The following WDFY4 variants were observed in gnomAD, a reference collection of about 807,000 sequenced individuals.
WDFY4 encodes WDFY family member 4.
WDFY4 carries 169 observed loss-of-function variants against 351.9 expected under a neutral mutation model. That is an observed-to-expected ratio of 0.48 (90% confidence interval 0.42 to 0.55). The LOEUF (loss-of-function observed/expected upper bound fraction) is 0.55. Among genes scored for constraint, WDFY4 ranks in the 20% least tolerant of loss-of-function variants. WDFY4 has a pLI of 0.00. For synonymous variants in WDFY4, 1,622 were observed against 1,574.6 expected, an observed-to-expected ratio of 1.03 and a Z score of -0.71; for missense variants, 3,803 against 3,935.6, an observed-to-expected ratio of 0.97 and a Z score of 0.90.
chr10:48,687,697 C>T (rs2063088770), intron 1 of WDFY4, among the ~76,000 whole-genome samples: 1 of 150,476 alleles, frequency 6.6e-6, no homozygotes, highest in African/African-American at 2.4e-5. Flanking sequence ...TCACTGCAAC[C>T]TCCACCTCCC....
rs575481785 is a variant in WDFY4 at position 48,805,434 on chromosome 10, G to A, written c.4646+13G>A. ...AGGACTTGCTCAGGTACCACACCAAGCTGCCCAGGGGGAAGAGCAGGGCCC... is the reference window on the plus strand; with the variant it reads ...AGGACTTGCTCAGGTACCACACCAAACTGCCCAGGGGGAAGAGCAGGGCCC... On this transcript the variant is annotated intron_variant, in intron 26 of 61. Coordinates refer to ENST00000325239, the MANE Select transcript of WDFY4 (RefSeq NM_001394531.1). 2,556 of 1,546,350 alleles carry A rather than the reference G, an allele frequency of 1.7e-3. 2 individuals carry two copies. The highest frequency in any genetic ancestry group is 2.0e-3 in the Non-Finnish European group (2,255 of 1,146,894).
At chr10:48,817,124 A>T in intron 31 of WDFY4, 121 bp from the exon 32 acceptor site, 1 of 1,208,858 alleles carries the variant, frequency 8.3e-7, no homozygotes, top group Non-Finnish European at 1.1e-6. Context: ...CTGCAGTCTT[A>T]AATAATGTAT....
At chr10:48,782,090 T>C (rs2066245256) in intron 19 of WDFY4, among the ~76,000 whole-genome samples, 1 of 152,214 alleles carries the variant, frequency 6.6e-6, no homozygotes, top group African/African-American at 2.4e-5. Context: ...TTGGTGACTG[T>C]GAATGTTAAT....
At chr10:48,688,511 T>C (rs2063113449) in intron 1 of WDFY4, among the ~76,000 whole-genome samples, 1 of 152,354 alleles carries the variant, frequency 6.6e-6, no homozygotes, top group African/African-American at 2.4e-5. Context: ...CAGTAGTGCA[T>C]ATTTTGACTA....
At chr10:48,748,167 C>G (rs1251379454) in intron 12 of WDFY4, among the ~76,000 whole-genome samples, 2 of 152,170 alleles carry the variant, frequency 1.3e-5, no homozygotes, top group Non-Finnish European at 2.9e-5. Context: ...CTTATTCTGC[C>G]AGCTCTCAGG....
intron 60 of WDFY4, chr10:48,979,700 A>T (rs1842734351): frequency 5.9e-5 from 9 of 152,146 alleles, no homozygotes; most frequent in Admixed American, 5.9e-4. Context: ...CATTCAGTTG[A>T]TTCTGGCAGT....
intron 13 of WDFY4, among the ~76,000 whole-genome samples, chr10:48,764,790 C>T (rs866514766): frequency 5.3e-5 from 8 of 152,318 alleles, no homozygotes; most frequent in East Asian, 3.9e-4. Flanking sequence ...CAGAGACAAA[C>T]GTCACAGGAC....
At chr10:48,787,798 CTCCTCCTCCTCTTCTTCTTCT>C (rs2066453573) in intron 20 of WDFY4, among the ~76,000 whole-genome samples, 1 of 80,152 alleles carries the variant, frequency 1.2e-5, no homozygotes, top group Non-Finnish European at 2.3e-5. Flanking sequence ...CCTCCTCCTC[CTCCTCCTCCTCTTCTTCTTCT>C]TCTTCTTCTT....
At chr10:48,814,914 T>C (rs1458690013) in intron 31 of WDFY4, among the ~76,000 whole-genome samples, 1 of 152,212 alleles carries the variant, frequency 6.6e-6, no homozygotes, top group African/African-American at 2.4e-5. Context: ...TGCCTTTTTT[T>C]CCTCAATATT....
At chr10:48,899,251 G>A (rs1008388334) in intron 45 of WDFY4, among the ~76,000 whole-genome samples, 5 of 152,140 alleles carry the variant, frequency 3.3e-5, no homozygotes, top group South Asian at 2.1e-4. Flanking sequence ...CACAAATTCT[G>A]CATTCACTTC....
chr10:48,715,047 G>A (rs889317251), intron 2 of WDFY4, among the ~76,000 whole-genome samples: 8 of 152,216 alleles, frequency 5.3e-5, no homozygotes, highest in African/African-American at 1.9e-4. Context: ...GAGTCTAGCT[G>A]CCATGTTGTA....
intron 47 of WDFY4, among the ~76,000 whole-genome samples, chr10:48,924,882 C>T (rs968395115): frequency 1.3e-5 from 2 of 152,202 alleles, no homozygotes; most frequent in Admixed American, 1.3e-4. Context: ...TTTAAGCAGA[C>T]TGACTTTGTT....
rs79887122 is a variant in WDFY4, at chr10:48,746,405, C to T, written c.2459+2857C>T. ...TGGTTAGTTCGTGCCTGGGATTTTTCTTCATCCTTTGGTTTTAACCTTTCT... is the reference window on the plus strand; with the variant it reads ...TGGTTAGTTCGTGCCTGGGATTTTTTTTCATCCTTTGGTTTTAACCTTTCT... On this transcript the variant is annotated intron_variant, in intron 12 of 61. Transcript: ENST00000325239. 8.0e-3 allele frequency among the ~76,000 whole-genome samples: 1,214 copies of T among 152,124 alleles called. 6 individuals are homozygous for T. Among genetic ancestry groups the T allele is most frequent in the Non-Finnish European group, 0.012 (846 of 67,966 alleles).
chr10:48,769,148 G>A (rs946386818), intron 13 of WDFY4, among the ~76,000 whole-genome samples: 7 of 152,188 alleles, frequency 4.6e-5, no homozygotes, highest in Non-Finnish European at 1.0e-4. Flanking sequence ...CATGGTTACA[G>A]ATCTGCCTAG....
chr10:48,956,624 C>T (rs571889274), intron 51 of WDFY4, among the ~76,000 whole-genome samples: 126 of 152,226 alleles, frequency 8.3e-4, no homozygotes, highest in African/African-American at 3.0e-3. Flanking sequence ...GACTCACTTC[C>T]GGGGCGCCTC....
intron 60 of WDFY4, chr10:48,980,070 A>G (rs1379184898): frequency 6.6e-6 from 1 of 152,106 alleles, no homozygotes; most frequent in Non-Finnish European, 1.5e-5. Flanking sequence ...CAGATCCACA[A>G]CCTTCCTCTC....
intron 47 of WDFY4, among the ~76,000 whole-genome samples, chr10:48,941,109 A>T (rs773796941): frequency 1.5e-4 from 23 of 152,134 alleles, no homozygotes; most frequent in Non-Finnish European, 2.9e-4. Flanking sequence ...AAAGCCTGTC[A>T]TGGGGGCGGT....
At chr10:48,687,127 T>C (rs1039745782) in intron 1 of WDFY4, among the ~76,000 whole-genome samples, 2 of 152,238 alleles carry the variant, frequency 1.3e-5, no homozygotes, top group Non-Finnish European at 2.9e-5. Context: ...AGGTTGGACA[T>C]CTTTTTCATA....
intron 57 of WDFY4, among the ~76,000 whole-genome samples, chr10:48,973,857 C>T (rs1169928312): frequency 2.6e-5 from 4 of 152,192 alleles, no homozygotes; most frequent in Admixed American, 6.5e-5. Flanking sequence ...AACCTGAGGA[C>T]CAAGACCAAG....
Sources: gnomAD v4.1 joint callset for allele counts (sites outside exome capture counted in the v4.1 genomes callset) on GRCh38, gnomAD v4.1.1 for gene constraint, MANE v1.5 for transcripts, NCBI Gene and HGNC (gene_info 2026-07-23, HGNC 2026-07-21) for gene names.